The following NAT10 variants were observed in gnomAD, a reference collection of about 807,000 sequenced individuals.
NAT10 encodes the protein RNA cytidine acetyltransferase.
In NAT10, 109 loss-of-function variants were observed where a neutral mutation model predicts 132.2. The ratio of observed to expected loss-of-function variants is 0.82; its 90% confidence interval spans 0.71 to 0.97. The LOEUF (loss-of-function observed/expected upper bound fraction) is 0.97. NAT10 is among the 50% of genes least tolerant of loss of function. The pLI is 0.00. For synonymous variants in NAT10, 479 were observed against 478.0 expected (o/e 1.00, Z -0.03); for missense variants, 1,184 against 1,263.4 (o/e 0.94, Z 0.95).
intron 19 of NAT10, among the ~76,000 whole-genome samples, chr11:34,136,392 G>A (rs1018720120): frequency 2.6e-5 from 4 of 152,180 alleles, no homozygotes; most frequent in African/African-American, 9.7e-5. Context: ...TCTGTCAGTC[G>A]TTTCTAAACT....
chr11:34,142,819 T>G (rs544151602), intron 27 of NAT10, among the ~76,000 whole-genome samples: 1 of 152,294 alleles, frequency 6.6e-6, no homozygotes, highest in African/African-American at 2.4e-5. Context: ...CTCCACTGCC[T>G]GGATTGATGT....
chr11:34,109,670 A>T (rs1851659327), intron 3 of NAT10, among the ~76,000 whole-genome samples: 1 of 152,228 alleles, frequency 6.6e-6, no homozygotes, highest in South Asian at 2.1e-4. Context: ...ACACAAATAC[A>T]ATTTGGCACA....
intron 25 of NAT10, 146 bp from the exon 26 acceptor site, chr11:34,141,573 T>C: frequency 1.4e-6 from 1 of 720,404 alleles, no homozygotes. Flanking sequence ...CTCTTCCCGC[T>C]AATATCCACA....
intron 11 of NAT10, among the ~76,000 whole-genome samples, chr11:34,125,161 C>T (rs2132954230): frequency 6.6e-6 from 1 of 152,260 alleles, no homozygotes; most frequent in Admixed American, 6.5e-5. Flanking sequence ...AGTGTTTATG[C>T]CTTTCACCTT....
chr11:34,115,964 G>C (rs1447584443), intron 6 of NAT10, 80 bp downstream of exon 6: 1 of 1,448,830 alleles, frequency 6.9e-7, no homozygotes, highest in Non-Finnish European at 9.6e-7. Flanking sequence ...TGAAAACTTT[G>C]CTTTTATATT....
intron 13 of NAT10, 37 bp downstream of exon 13, chr11:34,130,974 G>GC (rs773012500): frequency 1.2e-6 from 2 of 1,610,764 alleles, no homozygotes; most frequent in South Asian, 2.2e-5. Context: ...GCGGTTCACA[G>GC]CAAGGCCCTT....
In NAT10 at chr11:34,108,277, G is replaced by A; in HGVS notation, c.52G>A (p.Val18Ile). The A allele has an allele frequency of 1.9e-6, 3 of 1,614,214 alleles. No individual in the cohort carries two copies. The highest frequency in any genetic ancestry group is 2.5e-6 in the Non-Finnish European group (3 of 1,180,024). Reference protein sequence around the residue: ...NRIRILIENGVAERQRSLFVV... With the variant: ...NRIRILIENGIAERQRSLFVV... The stretch of plus-strand genomic sequence containing the variant: ...AATCCGGATTCTCATTGAGAATGGA[G>A]TAGCTGAGCGGCAAAGATCTCTCTT... Residue 18 changes from valine (V) to isoleucine (I), a missense_variant, in exon 2 of 29, where the codon GTA (valine) becomes ATA (isoleucine). Coordinates refer to ENST00000257829, the MANE Select transcript of NAT10 (RefSeq NM_024662.3).
chr11:34,124,303 A>G lies in NAT10; in HGVS notation c.1010A>G (p.Glu337Gly). 1 of 1,606,088 alleles carries G rather than the reference A, an allele frequency of 6.2e-7. No individual in the cohort carries two copies. The highest frequency in any genetic ancestry group is 8.5e-7 in the Non-Finnish European group (1 of 1,175,454). ...GTCATTGGTTTGACTCCCCACCAGGAACATCTGGATTATGAGATTATCCAG... is the reference window on the plus strand; with the variant it reads ...GTCATTGGTTTGACTCCCCACCAGGGACATCTGGATTATGAGATTATCCAG... ...FKGFDALQYQ[E>G]HLDYEIIQSL... Residue 337 changes from glutamate (E) to glycine (G), a missense_variant and splice_region_variant, in exon 11 of 29, where the codon GAA (glutamate) becomes GGA (glycine). By Grantham distance (98) the Glu-to-Gly change is moderately conservative (BLOSUM62 -2). Transcript: ENST00000257829.
In NAT10 at chr11:34,123,854, A is replaced by G. The variant is rs1431883944; in HGVS notation, c.1007A>G (p.Gln336Arg). ...VFKGFDALQY[Q>R]EHLDYEIIQS... Reference sequence around the variant, plus strand: ...AAAGGATTTGATGCTCTGCAATATCAGGTAGGAAATTTGGATTAAGAATTT... The same window carrying G: ...AAAGGATTTGATGCTCTGCAATATCGGGTAGGAAATTTGGATTAAGAATTT... The change falls in exon 10 of 29, where the codon CAG (glutamine) becomes CGG (arginine). Residue 336 changes from glutamine to arginine, a missense_variant and splice_region_variant. Physicochemically the swap from Gln to Arg is conservative, Grantham distance 43. Coordinates refer to ENST00000257829, the MANE Select transcript of NAT10 (RefSeq NM_024662.3). 1 of 1,601,236 alleles carries G rather than the reference A, an allele frequency of 6.2e-7. No homozygotes were observed. The highest frequency in any genetic ancestry group is 8.6e-7 in the Non-Finnish European group (1 of 1,168,378).
rs762304558 is a variant in NAT10 at position 34,139,208 on chromosome 11, G to A, written c.2229G>A (p.Glu743=). The A allele has an allele frequency of 2.5e-6, 4 of 1,613,998 alleles. No homozygotes were observed. Among genetic ancestry groups the A allele is most frequent in the South Asian group, 1.1e-5 (1 of 91,084 alleles). Residue 743 remains glutamate, a synonymous_variant, in exon 22 of 29, where the codon GAG becomes GAA. Coordinates refer to ENST00000257829, the MANE Select transcript of NAT10 (RefSeq NM_024662.3). ...LRQTPNDLTG[E]HSCIMLKTLT... Reference sequence around the variant, plus strand: ...TTGCCCAGAATGACCTGACCGGAGAGCACTCGTGCATCATGCTGAAGACGC... The same window carrying A: ...TTGCCCAGAATGACCTGACCGGAGAACACTCGTGCATCATGCTGAAGACGC...
Position 34,146,212 on chromosome 11 carries a change from CTG to C in NAT10, c.*24_*25del, listed in dbSNP as rs771373040. 1.3e-6 allele frequency: 2 copies of C among 1,539,852 alleles called. No individual in the cohort carries two copies. The highest frequency in any genetic ancestry group is 3.7e-5 in the Admixed American group (2 of 54,104). On this transcript the variant is annotated 3_prime_UTR_variant, in exon 29 of 29. Coordinates refer to ENST00000257829, the MANE Select transcript of NAT10 (RefSeq NM_024662.3). ...AAATAGTGAAGAGAAACTCGGGCAT[CTG>C]TGTTTGATCATGGGAAGATACTCTC...
intron 28 of NAT10, among the ~76,000 whole-genome samples, chr11:34,144,388 G>T (rs532410150): frequency 6.6e-6 from 1 of 152,162 alleles, no homozygotes; most frequent in Non-Finnish European, 1.5e-5. Context: ...AAAAATTTTG[G>T]TGAGAAGAGT....
At chr11:34,131,562 G>T in intron 14 of NAT10, 31 bp downstream of exon 14, 2 of 1,586,588 alleles carry the variant, frequency 1.3e-6, no homozygotes, top group Non-Finnish European at 1.7e-6. Flanking sequence ...CTGGCCCTGT[G>T]AAAAGGAGAG....
In NAT10 at chr11:34,127,976, CTTT is replaced by C. The variant is rs963876093; in HGVS notation, c.1244+382_1244+384del. Reference sequence around the variant, plus strand: ...TCATAAGAAAGCAAGCTCATAATGACTTTTTTTAAAATTTGAAATATTTAATTT... The same window carrying C: ...TCATAAGAAAGCAAGCTCATAATGACTTTTAAAATTTGAAATATTTAATTT... On this transcript the variant is annotated intron_variant, in intron 12 of 28. Transcript: ENST00000257829. 2.6e-5 allele frequency among the ~76,000 whole-genome samples: 4 copies of C among 152,158 alleles called. No homozygotes were observed. The South Asian group carries it at 8.3e-4, about 32-fold the overall frequency.
intron 21 of NAT10, among the ~76,000 whole-genome samples, chr11:34,138,418 C>CTAGT (rs1852256992): frequency 6.6e-6 from 1 of 152,156 alleles, no homozygotes; most frequent in Non-Finnish European, 1.5e-5. Context: ...GTATCAGAGG[C>CTAGT]TAGTGTCCAG....
chr11:34,132,401 C>A (rs575178008), intron 15 of NAT10, among the ~76,000 whole-genome samples, 180 bp downstream of exon 15: 3 of 152,142 alleles, frequency 2.0e-5, no homozygotes, highest in Non-Finnish European at 2.9e-5. Flanking sequence ...CATGCAGTAA[C>A]GGGACAGGGT....
chr11:34,118,761 A>G (rs1056443087), intron 8 of NAT10, among the ~76,000 whole-genome samples: 3 of 152,006 alleles, frequency 2.0e-5, no homozygotes, highest in Non-Finnish European at 4.4e-5. Flanking sequence ...ATTATTTTTT[A>G]AAAGACGGAG....
intron 11 of NAT10, among the ~76,000 whole-genome samples, chr11:34,124,904 A>G (rs1380508708): frequency 6.6e-6 from 1 of 152,202 alleles, no homozygotes; most frequent in Non-Finnish European, 1.5e-5. Flanking sequence ...AATGGTCTGC[A>G]CTTGTCCAAA....
At chr11:34,115,113 G>A (rs1375666089) in intron 5 of NAT10, among the ~76,000 whole-genome samples, 2 of 152,182 alleles carry the variant, frequency 1.3e-5, no homozygotes, top group African/African-American at 2.4e-5. Flanking sequence ...CTGAGGTCAC[G>A]CCACTGCACT....
Sources: allele counts gnomAD v4.1 joint callset (sites outside exome capture counted in the v4.1 genomes callset), GRCh38; gene constraint gnomAD v4.1.1; transcripts MANE v1.5; gene names NCBI Gene and HGNC (gene_info 2026-07-23, HGNC 2026-07-21).